Variants in UBE2G2 observed in about 807,000 individuals in gnomAD.
The protein encoded by UBE2G2 is ubiquitin conjugating enzyme E2 G2.
UBE2G2 carries 10 observed loss-of-function variants against 23.0 expected under a neutral mutation model. That is an observed-to-expected ratio of 0.43 (90% CI 0.27 to 0.74). The LOEUF (loss-of-function observed/expected upper bound fraction) is 0.74. Among genes scored for constraint, UBE2G2 ranks in the 30% least tolerant of loss-of-function variants. The pLI, the probability that UBE2G2 is intolerant of heterozygous loss-of-function variation, is 0.19. For synonymous variants in UBE2G2, 86 were observed against 81.3 expected, an observed-to-expected ratio of 1.06 and a Z score of -0.31; for missense variants, 150 against 218.3, an observed-to-expected ratio of 0.69 and a Z score of 1.97.
intron 3 of UBE2G2, among the ~76,000 whole-genome samples, chr21:44,778,431 G>A (rs868941622): frequency 3.3e-5 from 5 of 152,328 alleles, no homozygotes; most frequent in East Asian, 1.9e-4. Context: ...CTTTCCTCAC[G>A]TGTAAATGGA....
In UBE2G2 at chr21:44,777,716, G is replaced by A. The variant is rs562854959; in HGVS notation, c.126-299C>T. On this transcript the variant is annotated intron_variant, in intron 3 of 5. Coordinates refer to ENST00000345496, the MANE Select transcript of UBE2G2 (RefSeq NM_003343.6). ...CCAGCTACTTGGGAGGCTGAGGCAG[G>A]AGAATCGTCTGAGCCTGGGAGGTGG... Among the ~76,000 whole-genome samples the A allele has an allele frequency of 5.3e-5, 8 of 152,278 alleles. 1 individual carries two copies. Among genetic ancestry groups the A allele is most frequent in the African/African-American group, 1.4e-4 (6 of 41,548 alleles).
chr21:44,777,293 ACT>A lies in UBE2G2; in HGVS notation c.244+4_244+5del. The A allele has an allele frequency of 6.2e-7, 1 of 1,612,984 alleles. No homozygotes were observed. The highest frequency in any genetic ancestry group is 1.7e-4 in the Middle Eastern group (1 of 6,056). On this transcript the variant is annotated splice_donor_5th_base_variant and intron_variant, in intron 4 of 5. Transcript: ENST00000345496. ...TACCACAAAAACTACTTCCAAAAGCACTTACTGTTGGGATGAAACATCTCACA... is the reference window on the plus strand; with the variant it reads ...TACCACAAAAACTACTTCCAAAAGCATACTGTTGGGATGAAACATCTCACA...
chr21:44,794,537 GT>G (rs34142774), intron 1 of UBE2G2, among the ~76,000 whole-genome samples: 38,435 of 135,890 alleles, frequency 0.28, 4,410 homozygotes, highest in East Asian at 0.52. Context: ...TTCTTTTTTT[GT>G]TTTTTTTTTT....
chr21:44,789,211 C>T (rs1164931513), intron 1 of UBE2G2: 3 of 151,960 alleles, frequency 2.0e-5, no homozygotes, highest in Non-Finnish European at 2.9e-5. Context: ...ATGGCGAAAT[C>T]CCATCTCTAC....
rs113666533 is a variant in UBE2G2, at chr21:44,772,936, C to T, written c.385+611G>A. Among the ~76,000 whole-genome samples, 799 of 152,330 alleles carry T rather than the reference C, an allele frequency of 5.2e-3. 11 individuals carry two copies. The highest frequency in any genetic ancestry group is 0.018 in the African/African-American group (745 of 41,562). ...CCAATCCCCAGGGTCTGCTGGGGCT[C>T]CTCTCCCTGCAGCCTTGGCTCCAGC... On this transcript the variant is annotated intron_variant, in intron 5 of 5. Coordinates refer to ENST00000345496, the MANE Select transcript of UBE2G2 (RefSeq NM_003343.6). The surrounding 1 kb of genome is among the most constrained non-coding windows in gnomAD (Gnocchi z 5.4).
chr21:44,797,729 A>G (rs1555964084), intron 1 of UBE2G2, among the ~76,000 whole-genome samples: 1 of 149,446 alleles, frequency 6.7e-6, no homozygotes. Flanking sequence ...AAAAAAAAAA[A>G]AAAAAAAAAA....
intron 1 of UBE2G2, among the ~76,000 whole-genome samples, chr21:44,798,142 C>A (rs1034122320): frequency 1.3e-4 from 20 of 152,216 alleles, no homozygotes; most frequent in African/African-American, 4.8e-4. Context: ...GGTGACAGAG[C>A]AAGACCCTGT....
At chr21:44,801,552 G>A (rs906001268) in intron 1 of UBE2G2, among the ~76,000 whole-genome samples, 154 bp downstream of exon 1, 3 of 152,248 alleles carry the variant, frequency 2.0e-5, no homozygotes, top group African/African-American at 2.4e-5. Context: ...AGCGGGCGCA[G>A]GGCGCGGCAC....
rs377371098 is a variant in UBE2G2, at chr21:44,773,537, C to T, written c.385+10G>A. 5.6e-6 allele frequency: 9 copies of T among 1,605,526 alleles called. No homozygotes were observed. Among genetic ancestry groups the T allele is most frequent in the Middle Eastern group, 1.7e-4 (1 of 5,986 alleles). On this transcript the variant is annotated intron_variant, in intron 5 of 5. Transcript: ENST00000345496. ...CCACGGCAGCTCCTGCCAGGAGGCT[C>T]GGGCCTTACCTGCCAGCATGCTCAC... is the stretch of plus-strand genomic sequence containing the variant.
At chr21:44,791,533 G>A (rs1224470261) in intron 1 of UBE2G2, among the ~76,000 whole-genome samples, 1 of 152,214 alleles carries the variant, frequency 6.6e-6, no homozygotes, top group Non-Finnish European at 1.5e-5. Flanking sequence ...ACGTGGTGTT[G>A]GGCCTGTGGG....
intron 3 of UBE2G2, among the ~76,000 whole-genome samples, chr21:44,778,235 T>C (rs1181021892): frequency 6.6e-6 from 1 of 152,208 alleles, no homozygotes; most frequent in Non-Finnish European, 1.5e-5. Flanking sequence ...TTTGCAACCT[T>C]CAAGAAGCAG....
intron 1 of UBE2G2, among the ~76,000 whole-genome samples, chr21:44,795,368 G>A (rs1213490251): frequency 2.0e-5 from 3 of 152,066 alleles, no homozygotes; most frequent in African/African-American, 4.8e-5. Context: ...GCAGTGGCTC[G>A]CAGTTGTAAT....
chr21:44,778,383 G>A (rs549559612), intron 3 of UBE2G2, among the ~76,000 whole-genome samples: 1 of 152,222 alleles, frequency 6.6e-6, no homozygotes, highest in Admixed American at 6.5e-5. Context: ...TCCCCGTCAT[G>A]GGCACAGACA....
intron 1 of UBE2G2, among the ~76,000 whole-genome samples, chr21:44,799,805 C>T (rs1279118022): frequency 6.6e-6 from 1 of 152,272 alleles, no homozygotes; most frequent in Non-Finnish European, 1.5e-5. Context: ...TTCAGCCTAT[C>T]TTGACTTTCA....
intron 3 of UBE2G2, among the ~76,000 whole-genome samples, chr21:44,787,076 G>C (rs1555962171): frequency 6.8e-6 from 1 of 146,400 alleles, no homozygotes; most frequent in Non-Finnish European, 1.5e-5. Flanking sequence ...TGGGCAACAA[G>C]GGCGAAACTC....
chr21:44,788,051 G>C lies in UBE2G2; in HGVS notation c.79+9C>G, dbSNP rs2083010076. 1 of 1,611,686 alleles carries C rather than the reference G, an allele frequency of 6.2e-7. No homozygotes were observed. Among genetic ancestry groups the C allele is most frequent in the African/African-American group, 1.3e-5 (1 of 74,808 alleles). ...GTAAATTATAAGGAAGTTAACTTTG[G>C]TACCTTACCTGCTACAATTCCTTCC... On this transcript the variant is annotated intron_variant, in intron 2 of 5. Transcript: ENST00000345496.
chr21:44,772,294 A>G lies in UBE2G2; in HGVS notation c.386-805T>C, dbSNP rs947129782. Among the ~76,000 whole-genome samples the G allele has an allele frequency of 1.3e-5, 2 of 151,994 alleles. No homozygotes were observed. The highest frequency in any genetic ancestry group is 2.4e-5 in the African/African-American group (1 of 41,380). On this transcript the variant is annotated intron_variant, in intron 5 of 5. Coordinates refer to ENST00000345496, the MANE Select transcript of UBE2G2 (RefSeq NM_003343.6). The surrounding 1 kb of genome is among the most constrained non-coding windows in gnomAD (Gnocchi z 5.4). The stretch of plus-strand genomic sequence containing the variant: ...TGGCCTGGCTCCCTCCACTCAGCAC[A>G]TGAAGAGGGTTCACGCCTCAGCCCT...
chr21:44,780,398 C>T (rs955994224), intron 3 of UBE2G2, among the ~76,000 whole-genome samples: 4 of 152,248 alleles, frequency 2.6e-5, no homozygotes, highest in Non-Finnish European at 2.9e-5. Flanking sequence ...GACAACCTCA[C>T]TTCTCTTTCA....
intron 3 of UBE2G2, among the ~76,000 whole-genome samples, chr21:44,786,195 C>A (rs1555961967): frequency 6.6e-6 from 1 of 152,048 alleles, no homozygotes; most frequent in African/African-American, 2.4e-5. Flanking sequence ...TGCAGGTGCG[C>A]CTGCATTAAC....
Sources: gnomAD v4.1 joint callset for allele counts (sites outside exome capture counted in the v4.1 genomes callset) on GRCh38, gnomAD v4.1.1 for gene constraint, Gnocchi (gnomAD v3.1) non-coding constraint, MANE v1.5 for transcripts, NCBI Gene and HGNC (gene_info 2026-07-23, HGNC 2026-07-21) for gene names.